SLC35F3: variants seen among roughly 807,000 people sequenced by gnomAD.
The protein encoded by SLC35F3 is putative thiamine transporter SLC35F3.
SLC35F3 carries 25 observed loss-of-function variants against 49.9 expected under a neutral mutation model. The ratio of observed to expected loss-of-function variants is 0.50; its 90% CI spans 0.37 to 0.70. The LOEUF is 0.70. SLC35F3 is among the 30% of genes least tolerant of loss of function. The pLI, the probability that SLC35F3 is intolerant of heterozygous loss-of-function variation, is 0.00. For synonymous variants in SLC35F3, 275 were observed against 265.4 expected (o/e 1.04, Z -0.35); for missense variants, 525 against 639.8 (o/e 0.82, Z 1.94).
At chr1:233,921,817 C>A (rs1186705755) in intron 2 of SLC35F3, among the ~76,000 whole-genome samples, 2 of 146,976 alleles carry the variant, frequency 1.4e-5, no homozygotes, top group African/African-American at 5.1e-5. Context: ...CCCAACAGGC[C>A]CCAGTGTGTG....
At chr1:234,075,226 G>A (rs948675962) in intron 2 of SLC35F3, among the ~76,000 whole-genome samples, 8 of 152,100 alleles carry the variant, frequency 5.3e-5, no homozygotes, top group Non-Finnish European at 7.4e-5. Flanking sequence ...AACCAAAAAC[G>A]GACCTTGGGT....
intron 2 of SLC35F3, among the ~76,000 whole-genome samples, chr1:234,161,678 C>CA (rs1307935233): frequency 1.3e-5 from 2 of 152,142 alleles, no homozygotes; most frequent in Admixed American, 6.5e-5. Context: ...TGGTGGCATG[C>CA]ACCTGTTGTC....
chr1:233,978,440 A>G (rs987966068), intron 2 of SLC35F3, among the ~76,000 whole-genome samples: 1 of 152,216 alleles, frequency 6.6e-6, no homozygotes, highest in African/African-American at 2.4e-5. Context: ...TGTAGAATAC[A>G]TTTGTTTTCC....
At chr1:234,068,473 T>C (rs1664653402) in intron 2 of SLC35F3, among the ~76,000 whole-genome samples, 2 of 152,054 alleles carry the variant, frequency 1.3e-5, no homozygotes, top group South Asian at 4.1e-4. Flanking sequence ...AAGAAGCAGC[T>C]CAGCCTCCCA....
intron 2 of SLC35F3, among the ~76,000 whole-genome samples, chr1:234,143,278 C>CTTTTTTTT (rs1394286794): frequency 4.1e-4 from 52 of 127,416 alleles, no homozygotes; most frequent in African/African-American, 1.6e-3. Flanking sequence ...TGACTCTTTT[C>CTTTTTTTT]TTTTCTTTTC....
intron 2 of SLC35F3, among the ~76,000 whole-genome samples, chr1:233,929,131 A>ACG (rs1553287664): frequency 2.5e-4 from 11 of 43,370 alleles, no homozygotes; most frequent in African/African-American, 8.3e-4. Flanking sequence ...CTGCAAATAT[A>ACG]GTGAGGAGTA....
intron 2 of SLC35F3, among the ~76,000 whole-genome samples, chr1:233,977,123 T>C (rs563539833): frequency 6.6e-6 from 1 of 152,214 alleles, no homozygotes; most frequent in East Asian, 1.9e-4. Context: ...GCCAGCAGTG[T>C]CCCATCCACC....
At chr1:234,147,384 A>G (rs887293624) in intron 2 of SLC35F3, among the ~76,000 whole-genome samples, 5 of 151,972 alleles carry the variant, frequency 3.3e-5, no homozygotes, top group Admixed American at 6.6e-5. Flanking sequence ...TTATTGTATC[A>G]TATGTAATAT....
intron 3 of SLC35F3, among the ~76,000 whole-genome samples, chr1:234,283,854 C>T (rs1002328450): frequency 1.3e-4 from 20 of 152,182 alleles, no homozygotes; most frequent in African/African-American, 4.3e-4. Flanking sequence ...TTTGCAGTAC[C>T]AATACCCCTT....
chr1:234,058,170 A>AT (rs981554530), intron 2 of SLC35F3, among the ~76,000 whole-genome samples: 6 of 150,076 alleles, frequency 4.0e-5, no homozygotes, highest in African/African-American at 9.8e-5. Context: ...CATATTGTCA[A>AT]TTTTTTTTGG....
chr1:234,195,998 A>T (rs911116111), intron 2 of SLC35F3, among the ~76,000 whole-genome samples: 3 of 152,030 alleles, frequency 2.0e-5, no homozygotes, highest in African/African-American at 7.2e-5. Flanking sequence ...CTTTTTCTTT[A>T]TAAATTACCC....
At chr1:233,905,246 C>T (rs900926408) in intron 1 of SLC35F3, 116 bp downstream of exon 1, 21 of 1,116,164 alleles carry the variant, frequency 1.9e-5, no homozygotes, top group Non-Finnish European at 2.7e-5. Context: ...GGGCGGCGCG[C>T]GCGGTGGAGC....
chr1:234,299,234 C>T (rs905582300), intron 3 of SLC35F3, among the ~76,000 whole-genome samples: 7 of 152,146 alleles, frequency 4.6e-5, no homozygotes, highest in African/African-American at 9.7e-5. Context: ...ACAAAAAAAG[C>T]GTCCACCAAG....
chr1:234,058,872 A>G (rs1392465264), intron 2 of SLC35F3, among the ~76,000 whole-genome samples: 1 of 152,110 alleles, frequency 6.6e-6, no homozygotes, highest in South Asian at 2.1e-4. Flanking sequence ...ATCTATTTAA[A>G]TGGCCTATTT....
intron 3 of SLC35F3, among the ~76,000 whole-genome samples, chr1:234,283,136 T>C (rs182633278): frequency 4.9e-4 from 75 of 152,212 alleles, no homozygotes; most frequent in African/African-American, 1.7e-3. Context: ...CCCACCTCCA[T>C]CTCCATTTGG....
In SLC35F3 at chr1:234,266,883, T is replaced by TG. The variant is rs1339131603; in HGVS notation, c.608+35142_608+35143insG. On this transcript the variant is annotated intron_variant, in intron 3 of 7. Transcript: ENST00000366618. ...CATATGAAGCACATGGTTTTTTTTT[T>TG]TTTTTTTTTTTTTTATTGATCATTC... is the stretch of plus-strand genomic sequence containing the variant. Among the ~76,000 whole-genome samples the TG allele has an allele frequency of 1.5e-3, 229 of 149,096 alleles. 1 individual carries two copies. The highest frequency in any genetic ancestry group is 3.5e-3 in the Middle Eastern group (1 of 286).
intron 2 of SLC35F3, among the ~76,000 whole-genome samples, chr1:234,006,754 A>C (rs1051440732): frequency 2.0e-5 from 3 of 152,208 alleles, no homozygotes; most frequent in African/African-American, 7.2e-5. Flanking sequence ...AGCTGGGTAC[A>C]AAGCATGAGG....
At chr1:234,178,709 T>C (rs1216045272) in intron 2 of SLC35F3, among the ~76,000 whole-genome samples, 2 of 151,600 alleles carry the variant, frequency 1.3e-5, no homozygotes, top group East Asian at 3.9e-4. Context: ...ATCCACAGCC[T>C]GCCACACTGT....
At chr1:233,956,347 C>T (rs114372447) in intron 2 of SLC35F3, among the ~76,000 whole-genome samples, 1,807 of 152,206 alleles carry the variant, frequency 0.012, 27 homozygotes, top group South Asian at 0.039. Flanking sequence ...ATGCAACTAA[C>T]CAGGTATTTG....
Sources: gnomAD v4.1 joint callset for allele counts (sites outside exome capture counted in the v4.1 genomes callset) on GRCh38, gnomAD v4.1.1 for gene constraint, MANE v1.5 for transcripts, NCBI Gene and HGNC (gene_info 2026-07-23, HGNC 2026-07-21) for gene names.